DELE1: variants seen among roughly 807,000 people sequenced by gnomAD.
DELE1 encodes the protein death ligand signal enhancer.
Under a neutral mutation model 59.3 loss-of-function variants are expected in DELE1, and 54 were observed. That is an observed-to-expected ratio of 0.91 (90% CI 0.73 to 1.14). DELE1 has a LOEUF of 1.14. DELE1 is among the 50% of genes most tolerant of loss of function. The pLI is 0.00. For missense variants in DELE1, 636 were observed against 643.9 expected, an observed-to-expected ratio of 0.99 and a Z score of 0.13; for synonymous variants, 264 against 259.1, an observed-to-expected ratio of 1.02 and a Z score of -0.18.
At chr5:141,936,982 TG>T in intron 10 of DELE1, 1 of 1,398,394 alleles carries the variant, frequency 7.2e-7, no homozygotes, top group Non-Finnish European at 9.3e-7. Context: ...GGAATCTCCC[TG>T]GGTGGAGGGA....
intron 11 of DELE1, among the ~76,000 whole-genome samples, chr5:141,937,770 C>CAAA (rs1172381549): frequency 1.6e-5 from 1 of 61,262 alleles, no homozygotes; most frequent in African/African-American, 6.9e-5. Context: ...GATTCTGTTT[C>CAAA]AAAAAAAAAA....
chr5:141,941,119 C>T lies in DELE1; in HGVS notation c.*2360C>T, dbSNP rs550570368. Reference sequence around the variant, plus strand: ...CGTGTGCCCTCCCTGTGGAGCCCCACTCCCCAGCCTCCTCCCCTCTGTGGT... The same window carrying T: ...CGTGTGCCCTCCCTGTGGAGCCCCATTCCCCAGCCTCCTCCCCTCTGTGGT... On this transcript the variant is annotated 3_prime_UTR_variant, in exon 12 of 12. Coordinates refer to ENST00000432126, the MANE Select transcript of DELE1 (RefSeq NM_014773.5). 2.0e-4 allele frequency: 198 copies of T among 985,482 alleles called. No homozygotes were observed. Among genetic ancestry groups the T allele is most frequent in the Non-Finnish European group, 2.3e-4 (193 of 829,958 alleles). 61.0% of individuals were successfully genotyped at this position (985,482 alleles called of 1,614,324 possible). A position where few individuals can be genotyped will look rare whatever the true frequency, so the allele number is the denominator to read the frequency against.
intron 6 of DELE1, 35 bp downstream of exon 6, chr5:141,930,109 A>G: frequency 6.2e-7 from 1 of 1,608,396 alleles, no homozygotes; most frequent in Non-Finnish European, 8.5e-7. Flanking sequence ...GATCCCCATA[A>G]CATTCTCTTG....
chr5:141,941,109 T>A lies in DELE1; in HGVS notation c.*2350T>A, dbSNP rs1752712849. ...GAAATGTCACCGTGTGCCCTCCCTG[T>A]GGAGCCCCACTCCCCAGCCTCCTCC... is the stretch of plus-strand genomic sequence containing the variant. On this transcript the variant is annotated 3_prime_UTR_variant, in exon 12 of 12. Transcript: ENST00000432126. 3 of 985,312 alleles carry A rather than the reference T, an allele frequency of 3.0e-6. No homozygotes were observed. The highest frequency in any genetic ancestry group is 9.4e-5 in the South Asian group (2 of 21,292). The allele number at this position is 985,312 out of a possible 1,614,324, so 61.0% of individuals were successfully genotyped here. A position where few individuals can be genotyped will look rare whatever the true frequency, so the allele number is the denominator to read the frequency against.
chr5:141,934,714 T>G, intron 10 of DELE1, 128 bp downstream of exon 10: 1 of 890,750 alleles, frequency 1.1e-6, no homozygotes, highest in South Asian at 1.6e-5. Flanking sequence ...GCTTCAAGCC[T>G]TAGCGCTCAC....
chr5:141,931,972 C>T (rs1394185998), intron 7 of DELE1, among the ~76,000 whole-genome samples: 2 of 152,184 alleles, frequency 1.3e-5, no homozygotes, highest in African/African-American at 2.4e-5. Context: ...GCGCCTTCAC[C>T]CTAGGCAAAA....
chr5:141,938,338 A>G lies in DELE1; in HGVS notation c.1310-183A>G, dbSNP rs147069492. Among the ~76,000 whole-genome samples the G allele has an allele frequency of 4.5e-3, 686 of 152,238 alleles. 8 individuals carry two copies. Among genetic ancestry groups the G allele is most frequent in the African/African-American group, 0.015 (642 of 41,528 alleles). ...CTGCTCTGATGATTTTGTAGGAGAG[A>G]CAATATCCCAAGGTTGCCTGAATTA... On this transcript the variant is annotated intron_variant, in intron 11 of 11. Coordinates refer to ENST00000432126, the MANE Select transcript of DELE1 (RefSeq NM_014773.5).
chr5:141,928,041 G>C, intron 3 of DELE1, 110 bp from the exon 4 acceptor site: 1 of 1,247,578 alleles, frequency 8.0e-7, no homozygotes, highest in South Asian at 1.4e-5. Context: ...GTTTGTAGTC[G>C]GGGAGCTGCC....
At chr5:141,938,176 G>A (rs895862101) in intron 11 of DELE1, among the ~76,000 whole-genome samples, 1 of 152,140 alleles carries the variant, frequency 6.6e-6, no homozygotes, top group African/African-American at 2.4e-5. Flanking sequence ...CCATGGCTTA[G>A]TGCCTCAGTT....
chr5:141,925,418 C>A lies in DELE1; in HGVS notation c.155C>A (p.Pro52His). ...CTTATTTCATCATCTAGGTCAGGTC[C>A]CCATGGCCCAGGCACGAGCGGGGGT... ...VPVPNLDRSG[P>H]HGPGTSGGPR... The change falls in exon 3 of 12, where the codon CCC (proline) becomes CAC (histidine). Residue 52 changes from proline to histidine, a missense_variant. Transcript: ENST00000432126. 1 of 1,583,572 alleles carries A rather than the reference C, an allele frequency of 6.3e-7. No homozygotes were observed. The highest frequency in any genetic ancestry group is 8.6e-7 in the Non-Finnish European group (1 of 1,165,640).
Position 141,938,822 on chromosome 5 carries a change from C to A in DELE1, c.*63C>A. The stretch of plus-strand genomic sequence containing the variant: ...CCAGAGCGGGCAGGAGGTTGGATAA[C>A]AAAAATAGAGCATCAGCAACCCTTT... On this transcript the variant is annotated 3_prime_UTR_variant, in exon 12 of 12. Coordinates refer to ENST00000432126, the MANE Select transcript of DELE1 (RefSeq NM_014773.5). 1.3e-6 allele frequency: 2 copies of A among 1,520,558 alleles called. No individual in the cohort carries two copies. The highest frequency in any genetic ancestry group is 2.1e-5 in the Admixed American group (1 of 47,710). 94.2% of individuals were successfully genotyped at this position (1,520,558 alleles called of 1,614,324 possible). A position where few individuals can be genotyped will look rare whatever the true frequency, so the allele number is the denominator to read the frequency against.
At chr5:141,937,402 G>C in intron 11 of DELE1, 45 bp downstream of exon 11, 1 of 1,603,510 alleles carries the variant, frequency 6.2e-7, no homozygotes, top group Non-Finnish European at 8.5e-7. Context: ...CCTGAGCTCA[G>C]TACTCTGTGA....
chr5:141,937,245 T>C lies in DELE1; in HGVS notation c.1197T>C (p.Leu399=). 7 of 1,614,164 alleles carry C rather than the reference T, an allele frequency of 4.3e-6. No individual in the cohort carries two copies. The highest frequency in any genetic ancestry group is 5.9e-6 in the Non-Finnish European group (7 of 1,180,024). The part of the protein sequence containing the change: ...YHLGICYEKG[L]GVQRNLGEAL... ...TTGGAATTTGCTATGAGAAAGGCCT[T>C]GGTGTGCAGAGGAATCTGGGAGAGG... The change falls in exon 11 of 12, where the codon CTT becomes CTC. Residue 399 remains leucine (L), a synonymous_variant. Transcript: ENST00000432126.
At position 141,940,315 on chromosome 5, in the gene DELE1, A is replaced by C. The variant is rs887298362; in HGVS notation, c.*1556A>C. 5 of 985,460 alleles carry C rather than the reference A, an allele frequency of 5.1e-6. No individual in the cohort carries two copies. Among genetic ancestry groups the C allele is most frequent in the Non-Finnish European group, 6.0e-6 (5 of 829,936 alleles). The allele number at this position is 985,460 out of a possible 1,614,324, so 61.0% of individuals were successfully genotyped here. A position where few individuals can be genotyped will look rare whatever the true frequency, so the allele number is the denominator to read the frequency against. On this transcript the variant is annotated 3_prime_UTR_variant, in exon 12 of 12. Transcript: ENST00000432126. ...TAGGAAAAAAAAAGATTTCTGAGTCAGTGCTAATGAGTCCAGTTACTGAAT... is the reference window on the plus strand; with the variant it reads ...TAGGAAAAAAAAAGATTTCTGAGTCCGTGCTAATGAGTCCAGTTACTGAAT...
chr5:141,933,969 TGTGA>T (rs889288727), intron 8 of DELE1: 150 of 256,658 alleles, frequency 5.8e-4, no homozygotes, highest in Non-Finnish European at 3.0e-4. Flanking sequence ...AAGGTATGTG[TGTGA>T]GTATGTCTAA....
intron 10 of DELE1, among the ~76,000 whole-genome samples, chr5:141,935,168 G>T (rs1348603747): frequency 6.6e-6 from 1 of 152,178 alleles, no homozygotes; most frequent in African/African-American, 2.4e-5. Flanking sequence ...TCAGTTTGGG[G>T]TGGGTGGGGA....
Position 141,939,659 on chromosome 5 carries a change from C to G in DELE1, c.*900C>G, listed in dbSNP as rs1231194866. The G allele has an allele frequency of 1.5e-5, 15 of 985,772 alleles. No homozygotes were observed. Among genetic ancestry groups the G allele is most frequent in the Non-Finnish European group, 1.8e-5 (15 of 829,982 alleles). The allele number at this position is 985,772 out of a possible 1,614,324, so 61.1% of individuals were successfully genotyped here. A position where few individuals can be genotyped will look rare whatever the true frequency, so the allele number is the denominator to read the frequency against. The stretch of plus-strand genomic sequence containing the variant: ...GATACCCACCCACCTTCCCCCAAAT[C>G]TTAAGCACCTGCGCCAGTACAGTCA... On this transcript the variant is annotated 3_prime_UTR_variant, in exon 12 of 12. Coordinates refer to ENST00000432126, the MANE Select transcript of DELE1 (RefSeq NM_014773.5).
intron 3 of DELE1, among the ~76,000 whole-genome samples, chr5:141,927,376 T>G (rs1168791268): frequency 6.6e-6 from 1 of 152,188 alleles, no homozygotes; most frequent in East Asian, 1.9e-4. Flanking sequence ...ATTCTTGTAT[T>G]TTTAGTGGAA....
Position 141,938,705 on chromosome 5 carries a change from T to A in DELE1, c.1494T>A (p.Ile498=), listed in dbSNP as rs758333018. Residue 498 remains isoleucine, a synonymous_variant, in exon 12 of 12, where the codon ATT becomes ATA. Transcript: ENST00000432126. ...GCCTGGAAGCCTCCAGCAGGGCTAT[T>A]CCCCCACACCCCTACCCACTGGAAA... is the stretch of plus-strand genomic sequence containing the variant. The part of the protein sequence containing the change: ...GASLEASSRA[I]PPHPYPLERS... The A allele has an allele frequency of 6.2e-7, 1 of 1,614,036 alleles. No homozygotes were observed.
Sources: allele counts gnomAD v4.1 joint callset (sites outside exome capture counted in the v4.1 genomes callset), GRCh38; gene constraint gnomAD v4.1.1; transcripts MANE v1.5; gene names NCBI Gene and HGNC (gene_info 2026-07-23, HGNC 2026-07-21).